The following ABI1 variants were observed in gnomAD, a reference collection of about 807,000 sequenced individuals.
The protein encoded by ABI1 is abl interactor 1.
A neutral mutation model predicts 54.6 loss-of-function variants in ABI1; 14 were observed. The observed-to-expected ratio is 0.26, with a 90% CI of 0.17 to 0.40. The LOEUF is 0.40. Ranked by LOEUF, ABI1 falls within the 10% of genes least tolerant of loss-of-function variation. The pLI, the probability that ABI1 is intolerant of heterozygous loss-of-function variation, is 1.00. For synonymous variants in ABI1, 194 were observed against 209.3 expected, an observed-to-expected ratio of 0.93 and a Z score of 0.63; for missense variants, 443 against 598.3, an observed-to-expected ratio of 0.74 and a Z score of 2.71.
At chr10:26,805,471 C>T (rs1356330384) in intron 2 of ABI1, among the ~76,000 whole-genome samples, 1 of 151,816 alleles carries the variant, frequency 6.6e-6, no homozygotes, top group Non-Finnish European at 1.5e-5. Flanking sequence ...GAGAACACTC[C>T]GTTGTCATAT....
chr10:26,788,934 A>G (rs935654268), intron 2 of ABI1: 3 of 151,218 alleles, frequency 2.0e-5, no homozygotes, highest in Admixed American at 6.6e-5. Context: ...AAAAAAAAAA[A>G]AAGATACCAG....
intron 2 of ABI1, among the ~76,000 whole-genome samples, chr10:26,816,226 T>C (rs2047555547): frequency 6.6e-6 from 1 of 152,088 alleles, no homozygotes. Flanking sequence ...AGCAAATACA[T>C]GAAAAGTGAT....
intron 2 of ABI1, among the ~76,000 whole-genome samples, chr10:26,821,029 G>T (rs1466766112): frequency 6.6e-6 from 1 of 151,702 alleles, no homozygotes; most frequent in Non-Finnish European, 1.5e-5. Context: ...GATCACTTGA[G>T]CCCAGGAGTT....
chr10:26,760,520 A>G (rs1375807166), intron 7 of ABI1, among the ~76,000 whole-genome samples: 3 of 152,242 alleles, frequency 2.0e-5, no homozygotes, highest in Non-Finnish European at 4.4e-5. Flanking sequence ...GAAACAGTTT[A>G]AAAATAATTG....
chr10:26,748,563 A>T lies in ABI1; in HGVS notation c.*7T>A. ...AATAAGAATCTACTTCAAAAGAAAA[A>T]AAAAAATTAATCAGTATAGTGCATG... On this transcript the variant is annotated 3_prime_UTR_variant, in exon 11 of 11. Transcript: ENST00000376140. 3.1e-6 allele frequency: 5 copies of T among 1,593,832 alleles called. No homozygotes were observed. Among genetic ancestry groups the T allele is most frequent in the Non-Finnish European group, 4.3e-6 (5 of 1,172,368 alleles).
chr10:26,848,905 G>A (rs903315758), intron 1 of ABI1, among the ~76,000 whole-genome samples: 6 of 152,122 alleles, frequency 3.9e-5, no homozygotes, highest in East Asian at 1.9e-4. Flanking sequence ...CACCACGCCC[G>A]GCCAAGACTT....
chr10:26,859,046 A>C (rs767019707), intron 1 of ABI1, among the ~76,000 whole-genome samples: 7 of 152,248 alleles, frequency 4.6e-5, no homozygotes, highest in Non-Finnish European at 1.0e-4. Context: ...TTTCATGTTA[A>C]GTTGAATAAA....
intron 9 of ABI1, among the ~76,000 whole-genome samples, chr10:26,752,744 T>G (rs144369878): frequency 6.6e-6 from 1 of 152,280 alleles, no homozygotes; most frequent in East Asian, 1.9e-4. Flanking sequence ...TGGGAAAATG[T>G]CAGGCTAGAG....
intron 5 of ABI1, among the ~76,000 whole-genome samples, chr10:26,770,009 T>C (rs1323087314): frequency 2.6e-5 from 4 of 152,166 alleles, no homozygotes; most frequent in Admixed American, 2.6e-4. Context: ...AAAAAATAAA[T>C]CATGCCATTT....
intron 1 of ABI1, among the ~76,000 whole-genome samples, chr10:26,837,588 A>G (rs1040285791): frequency 6.6e-6 from 1 of 152,114 alleles, no homozygotes; most frequent in Non-Finnish European, 1.5e-5. Context: ...ACAGTTACAT[A>G]TAATTAGTAT....
At chr10:26,784,445 G>A (rs193243213) in intron 2 of ABI1, among the ~76,000 whole-genome samples, 2 of 151,868 alleles carry the variant, frequency 1.3e-5, no homozygotes, top group Admixed American at 6.6e-5. Flanking sequence ...TATTCATACT[G>A]TACTTGGAAC....
intron 2 of ABI1, among the ~76,000 whole-genome samples, chr10:26,777,588 G>A (rs1308674734): frequency 6.6e-6 from 1 of 152,076 alleles, no homozygotes. Context: ...ATCAGCCTGG[G>A]CAACATGGCA....
chr10:26,853,259 G>T, intron 1 of ABI1, among the ~76,000 whole-genome samples: 1 of 133,040 alleles, frequency 7.5e-6, no homozygotes. Context: ...AAAAAATCCA[G>T]TAATTGCTAC....
At chr10:26,782,832 C>T (rs1400282580) in intron 2 of ABI1, among the ~76,000 whole-genome samples, 1 of 152,046 alleles carries the variant, frequency 6.6e-6, no homozygotes, top group African/African-American at 2.4e-5. Context: ...CACAACCTCA[C>T]ATCCATAATG....
At chr10:26,820,100 G>T (rs1267477995) in intron 2 of ABI1, among the ~76,000 whole-genome samples, 1 of 152,170 alleles carries the variant, frequency 6.6e-6, no homozygotes, top group African/African-American at 2.4e-5. Context: ...ATAAGTTCTG[G>T]AGATCTAATG....
chr10:26,850,053 T>C (rs2050268113), intron 1 of ABI1, among the ~76,000 whole-genome samples: 1 of 152,158 alleles, frequency 6.6e-6, no homozygotes, highest in Non-Finnish European at 1.5e-5. Flanking sequence ...ATTACAATAG[T>C]CCCCCTTTTT....
At chr10:26,793,417 TA>T in intron 2 of ABI1, among the ~76,000 whole-genome samples, 1 of 152,262 alleles carries the variant, frequency 6.6e-6, no homozygotes, top group East Asian at 1.9e-4. Flanking sequence ...ATACACACCA[TA>T]AAATAGATCT....
chr10:26,856,456 A>C (rs1230820589), intron 1 of ABI1, among the ~76,000 whole-genome samples: 1 of 147,086 alleles, frequency 6.8e-6, no homozygotes, highest in Non-Finnish European at 1.5e-5. Context: ...AAAAAAAAAA[A>C]AAAAAACTGA....
intron 1 of ABI1, among the ~76,000 whole-genome samples, chr10:26,829,290 C>G (rs574884098): frequency 3.3e-5 from 5 of 151,642 alleles, no homozygotes; most frequent in Non-Finnish European, 7.4e-5. Flanking sequence ...TATCCCAGCT[C>G]TGTCCAATGA....
Sources: allele counts gnomAD v4.1 joint callset (sites outside exome capture counted in the v4.1 genomes callset), GRCh38; gene constraint gnomAD v4.1.1; transcripts MANE v1.5; gene names NCBI Gene and HGNC (gene_info 2026-07-23, HGNC 2026-07-21).